ADAM12: variants seen among roughly 807,000 people sequenced by gnomAD.
ADAM12 encodes the protein ADAM metallopeptidase domain 12.
ADAM12 carries 70 observed loss-of-function variants against 106.4 expected under a neutral mutation model. That is an observed-to-expected ratio of 0.66 (90% CI 0.54 to 0.80). The LOEUF is 0.80. ADAM12 is among the 30% of genes least tolerant of loss of function. The pLI, the probability that ADAM12 is intolerant of heterozygous loss-of-function variation, is 0.00. For missense variants in ADAM12, 1,010 were observed against 1,171.9 expected (o/e 0.86, Z 2.02); for synonymous variants, 420 against 433.5 (o/e 0.97, Z 0.39).
intron 1 of ADAM12, among the ~76,000 whole-genome samples, chr10:126,360,195 G>T (rs1244155602): frequency 6.6e-6 from 1 of 152,266 alleles, no homozygotes; most frequent in South Asian, 2.1e-4. Flanking sequence ...GGCCTGTGAT[G>T]GGAGGGGCTG....
At position 126,014,437 on chromosome 10, in the gene ADAM12, G is replaced by A. The variant is rs1349325141; in HGVS notation, c.*2842C>T. 4 of 123,728 alleles carry A rather than the reference G, an allele frequency of 3.2e-5. No homozygotes were observed. Among genetic ancestry groups the A allele is most frequent in the African/African-American group, 9.4e-5 (3 of 32,052 alleles). The allele number at this position is 123,728 out of a possible 1,614,324, so 7.7% of individuals were successfully genotyped here. On this transcript the variant is annotated 3_prime_UTR_variant, in exon 23 of 23. Coordinates refer to ENST00000448723, the MANE Select transcript of ADAM12 (RefSeq NM_001288973.2). ...GAAGGCATAAAAATGCCCCCCCCCCGAGACTCGTCAGGAGTATTGACTCTC... is the reference window on the plus strand; with the variant it reads ...GAAGGCATAAAAATGCCCCCCCCCCAAGACTCGTCAGGAGTATTGACTCTC...
intron 2 of ADAM12, among the ~76,000 whole-genome samples, chr10:126,310,031 C>T (rs1369150551): frequency 6.6e-6 from 1 of 151,868 alleles, no homozygotes; most frequent in Non-Finnish European, 1.5e-5. Context: ...TAGTGGCATG[C>T]GCCTGTAATC....
chr10:126,020,992 CAAAAAAAAAAA>C (rs3067295), intron 21 of ADAM12, among the ~76,000 whole-genome samples: 1 of 98,370 alleles, frequency 1.0e-5, no homozygotes, highest in South Asian at 4.1e-4. Context: ...GACTCTGTCT[CAAAAAAAAAAA>C]AAAAAAAAAA....
At chr10:126,093,929 AAC>A in intron 11 of ADAM12, 54 bp downstream of exon 11, 1 of 1,600,036 alleles carries the variant, frequency 6.2e-7, no homozygotes, top group Non-Finnish European at 8.5e-7. Flanking sequence ...TCTGGTTCCC[AAC>A]ACACACTTCA....
chr10:126,141,163 C>G (rs865782555), intron 4 of ADAM12, among the ~76,000 whole-genome samples: 5 of 152,356 alleles, frequency 3.3e-5, no homozygotes, highest in Middle Eastern at 6.8e-3. Flanking sequence ...CACCCCAGGG[C>G]CCCCTGACCT....
At chr10:126,343,065 C>G (rs1009055373) in intron 1 of ADAM12, among the ~76,000 whole-genome samples, 1 of 151,962 alleles carries the variant, frequency 6.6e-6, no homozygotes, top group Non-Finnish European at 1.5e-5. Context: ...TATTATTATA[C>G]TTTAAGTTCT....
intron 1 of ADAM12, among the ~76,000 whole-genome samples, chr10:126,380,259 A>T (rs1436227211): frequency 1.3e-5 from 2 of 152,226 alleles, no homozygotes; most frequent in Non-Finnish European, 2.9e-5. Context: ...AGCCTGTGAG[A>T]AAGTGTAATA....
At chr10:126,023,758 T>C (rs1001590373) in intron 21 of ADAM12, among the ~76,000 whole-genome samples, 3 of 152,198 alleles carry the variant, frequency 2.0e-5, no homozygotes, top group Non-Finnish European at 4.4e-5. Flanking sequence ...TCACATCACC[T>C]GGGTATTTCA....
intron 1 of ADAM12, among the ~76,000 whole-genome samples, chr10:126,384,468 G>A (rs1856592150): frequency 1.3e-5 from 2 of 152,120 alleles, no homozygotes; most frequent in South Asian, 4.1e-4. Context: ...GGATGCAAGA[G>A]GAATTCTTAG....
At chr10:126,174,918 A>C (rs1335614699) in intron 3 of ADAM12, among the ~76,000 whole-genome samples, 1 of 151,944 alleles carries the variant, frequency 6.6e-6, no homozygotes, top group East Asian at 1.9e-4. Flanking sequence ...ACGCCCGGCT[A>C]ATTTTTTGTT....
intron 3 of ADAM12, among the ~76,000 whole-genome samples, chr10:126,187,337 C>T (rs376309686): frequency 4.2e-5 from 5 of 118,372 alleles, no homozygotes; most frequent in Admixed American, 8.0e-5. Flanking sequence ...AAAAAAAAAA[C>T]AAATTTAATG....
intron 6 of ADAM12, among the ~76,000 whole-genome samples, chr10:126,113,541 T>A (rs1481460132): frequency 7.2e-6 from 1 of 139,232 alleles, no homozygotes; most frequent in Non-Finnish European, 1.5e-5. Context: ...ACGCCTGTAG[T>A]CCCAGCTACT....
At chr10:126,146,180 G>A (rs1203968265) in intron 4 of ADAM12, among the ~76,000 whole-genome samples, 2 of 152,208 alleles carry the variant, frequency 1.3e-5, no homozygotes, top group African/African-American at 2.4e-5. Flanking sequence ...GGAATGTGCT[G>A]TGGAGGTAGG....
chr10:126,237,389 C>T (rs567441205), intron 3 of ADAM12, among the ~76,000 whole-genome samples: 1 of 152,132 alleles, frequency 6.6e-6, no homozygotes, highest in South Asian at 2.1e-4. Context: ...TCCCCTATAC[C>T]CATCACCCCA....
chr10:126,326,610 C>T (rs1854313398), intron 2 of ADAM12, among the ~76,000 whole-genome samples: 1 of 152,130 alleles, frequency 6.6e-6, no homozygotes, highest in South Asian at 2.1e-4. Flanking sequence ...CATGGCTCTC[C>T]TCATTTCCAT....
chr10:126,227,797 C>T (rs1958227861), intron 3 of ADAM12, among the ~76,000 whole-genome samples: 1 of 152,092 alleles, frequency 6.6e-6, no homozygotes, highest in Admixed American at 6.6e-5. Flanking sequence ...CCTCACTAGG[C>T]CAAGAAAACA....
At position 126,049,729 on chromosome 10, in the gene ADAM12, C is replaced by G; in HGVS notation, c.1610-60G>C. 7.1e-7 allele frequency: 1 copy of G among 1,417,196 alleles called. No individual in the cohort carries two copies. Among genetic ancestry groups the G allele is most frequent in the Non-Finnish European group, 9.8e-7 (1 of 1,016,564 alleles). 87.8% of individuals were successfully genotyped at this position (1,417,196 alleles called of 1,614,324 possible). A position where few individuals can be genotyped will look rare whatever the true frequency, so the allele number is the denominator to read the frequency against. On this transcript the variant is annotated intron_variant, in intron 14 of 22. Coordinates refer to ENST00000448723, the MANE Select transcript of ADAM12 (RefSeq NM_001288973.2). This position sits in a 1 kb window ranked among gnomAD's most constrained non-coding sequence, Gnocchi z 4.4. ...GCAGGTGATTTTTTTTTTTTCATGGCTGTAGGCCTCTCAAATGGTTACGGG... is the reference window on the plus strand; with the variant it reads ...GCAGGTGATTTTTTTTTTTTCATGGGTGTAGGCCTCTCAAATGGTTACGGG...
intron 3 of ADAM12, among the ~76,000 whole-genome samples, chr10:126,272,579 G>A (rs1959183655): frequency 6.6e-6 from 1 of 152,172 alleles, no homozygotes; most frequent in South Asian, 2.1e-4. Context: ...GCTGAGAGCT[G>A]GAAACATGAG....
chr10:126,236,638 A>G (rs926420851), intron 3 of ADAM12, among the ~76,000 whole-genome samples: 36 of 151,950 alleles, frequency 2.4e-4, no homozygotes, highest in African/African-American at 8.5e-4. Context: ...GAGCACTCAC[A>G]GGAAGGAACA....
Sources: allele counts gnomAD v4.1 joint callset (sites outside exome capture counted in the v4.1 genomes callset), GRCh38; gene constraint gnomAD v4.1.1; non-coding constraint Gnocchi (gnomAD v3.1); transcripts MANE v1.5; gene names NCBI Gene and HGNC (gene_info 2026-07-23, HGNC 2026-07-21).